Variants in OSTF1 observed in about 807,000 individuals in gnomAD.
The protein encoded by OSTF1 is osteoclast stimulating factor 1, also known as osteoclast-stimulating factor 1.
Under a neutral mutation model 37.2 loss-of-function variants are expected in OSTF1, and 27 were observed. The observed-to-expected ratio is 0.73, with a 90% CI of 0.54 to 1.00. The LOEUF (loss-of-function observed/expected upper bound fraction) is 1.00. OSTF1 is among the 50% of genes least tolerant of loss of function. The probability of loss-of-function intolerance (pLI) is 0.00; values close to 1 mark genes in which losing one functional copy is unlikely to be tolerated. For synonymous variants in OSTF1, 82 were observed against 89.2 expected, an observed-to-expected ratio of 0.92 and a Z score of 0.46; for missense variants, 232 against 253.8, an observed-to-expected ratio of 0.91 and a Z score of 0.58.
chr9:75,103,673 T>C (rs1825234687), intron 1 of OSTF1, among the ~76,000 whole-genome samples: 1 of 152,118 alleles, frequency 6.6e-6, no homozygotes, highest in Non-Finnish European at 1.5e-5. Context: ...AGTGCCGGAG[T>C]GCCAGGCTGG....
At chr9:75,114,456 G>T (rs1439012952) in intron 1 of OSTF1, among the ~76,000 whole-genome samples, 1 of 152,112 alleles carries the variant, frequency 6.6e-6, no homozygotes, top group African/African-American at 2.4e-5. Context: ...CATGTGACTA[G>T]CACAGATACA....
At position 75,140,939 on chromosome 9, in the gene OSTF1, G is replaced by T. The variant is rs1825933057; in HGVS notation, c.586+7G>T. The T allele has an allele frequency of 6.3e-7, 1 of 1,591,336 alleles. No individual in the cohort carries two copies. The highest frequency in any genetic ancestry group is 1.3e-5 in the African/African-American group (1 of 74,444). On this transcript the variant is annotated splice_region_variant and intron_variant, in intron 9 of 9. Transcript: ENST00000346234. ...AAAAAGAAACAGGGAACAGGTATTT[G>T]TTTTAAATTCTTCTTTCTCCTCTGG...
chr9:75,133,442 A>T, intron 6 of OSTF1, 41 bp downstream of exon 6: 1 of 1,216,592 alleles, frequency 8.2e-7, no homozygotes, highest in Non-Finnish European at 1.2e-6. Flanking sequence ...TGCTGCTGAA[A>T]ATGTGTTTCA....
chr9:75,135,691 G>A (rs1301141340), intron 7 of OSTF1, among the ~76,000 whole-genome samples: 3 of 152,258 alleles, frequency 2.0e-5, no homozygotes, highest in Admixed American at 6.5e-5. Flanking sequence ...CTTTCTGTAC[G>A]TCAGAATTCT....
chr9:75,113,951 T>A (rs1430922115), intron 1 of OSTF1, among the ~76,000 whole-genome samples: 1 of 152,224 alleles, frequency 6.6e-6, no homozygotes, highest in African/African-American at 2.4e-5. Context: ...CAAGTCTCCC[T>A]ACCCGCCAGC....
intron 2 of OSTF1, 72 bp from the exon 3 acceptor site, chr9:75,127,497 A>C: frequency 1.2e-6 from 1 of 827,638 alleles, no homozygotes; most frequent in Non-Finnish European, 2.0e-6. Context: ...ATATGATAGA[A>C]TTTTGAATCT....
At chr9:75,139,027 C>CTTCTTTCTTTCTTTCT (rs201231543) in intron 8 of OSTF1, among the ~76,000 whole-genome samples, 4,160 of 120,544 alleles carry the variant, frequency 0.035, 330 homozygotes, top group Middle Eastern at 0.073. Flanking sequence ...TTTGGGGACA[C>CTTCTTTCTTTCTTTCT]TTCTTTCTTT....
chr9:75,102,194 T>G (rs34081939), intron 1 of OSTF1, among the ~76,000 whole-genome samples: 38,981 of 152,110 alleles, frequency 0.26, 5,200 homozygotes, highest in African/African-American at 0.33. Context: ...AGGCTGATCC[T>G]GAACTCCTGG....
At chr9:75,134,526 T>C (rs563294443) in intron 7 of OSTF1, 131 bp downstream of exon 7, 18 of 565,638 alleles carry the variant, frequency 3.2e-5, no homozygotes, top group Admixed American at 7.8e-5. Context: ...ATAATTGTAC[T>C]AAAATTCAAA....
chr9:75,115,216 T>C (rs1301897012), intron 1 of OSTF1, among the ~76,000 whole-genome samples: 2 of 152,204 alleles, frequency 1.3e-5, no homozygotes, highest in Non-Finnish European at 2.9e-5. Flanking sequence ...TTCTGCATTA[T>C]TTTCTTGTCC....
chr9:75,126,287 G>A (rs1002554397), intron 2 of OSTF1, among the ~76,000 whole-genome samples: 1 of 152,180 alleles, frequency 6.6e-6, no homozygotes. Context: ...AAATATCAAA[G>A]CCTTTCTTTT....
intron 3 of OSTF1, among the ~76,000 whole-genome samples, chr9:75,128,283 C>G (rs1490026611): frequency 6.9e-6 from 1 of 144,500 alleles, no homozygotes; most frequent in Non-Finnish European, 1.5e-5. Flanking sequence ...GGCCTAACCA[C>G]ACAGAGAGGA....
chr9:75,093,653 C>T (rs979702748), intron 1 of OSTF1, among the ~76,000 whole-genome samples: 1 of 151,998 alleles, frequency 6.6e-6, no homozygotes, highest in Non-Finnish European at 1.5e-5. Flanking sequence ...CATCATAAAA[C>T]TTAAAAGACA....
chr9:75,095,697 G>A (rs1197349481), intron 1 of OSTF1, among the ~76,000 whole-genome samples: 1 of 152,172 alleles, frequency 6.6e-6, no homozygotes, highest in African/African-American at 2.4e-5. Flanking sequence ...TTTACCCAGT[G>A]TAACAGTTTG....
At chr9:75,113,469 TAC>T (rs1340548066) in intron 1 of OSTF1, among the ~76,000 whole-genome samples, 1 of 151,636 alleles carries the variant, frequency 6.6e-6, no homozygotes, top group African/African-American at 2.4e-5. Context: ...TTTTTTTTGA[TAC>T]AGAGTCTTGC....
chr9:75,134,172 A>G (rs1825808547), intron 6 of OSTF1, among the ~76,000 whole-genome samples, 174 bp from the exon 7 acceptor site: 2 of 152,222 alleles, frequency 1.3e-5, no homozygotes, highest in Admixed American at 6.5e-5. Context: ...ATTTTCCTAA[A>G]TAATTCCACT....
chr9:75,109,462 T>C (rs1414260506), intron 1 of OSTF1, among the ~76,000 whole-genome samples: 2 of 152,248 alleles, frequency 1.3e-5, no homozygotes, highest in Admixed American at 1.3e-4. Flanking sequence ...CATCTACCTG[T>C]CCATGCCCAA....
At chr9:75,097,957 A>C (rs1169753516) in intron 1 of OSTF1, among the ~76,000 whole-genome samples, 1 of 151,504 alleles carries the variant, frequency 6.6e-6, no homozygotes, top group African/African-American at 2.4e-5. Flanking sequence ...TCCTGGGCTC[A>C]AGTGATCCTC....
At chr9:75,116,178 T>A (rs998456455) in intron 1 of OSTF1, among the ~76,000 whole-genome samples, 4 of 152,074 alleles carry the variant, frequency 2.6e-5, no homozygotes, top group Non-Finnish European at 4.4e-5. Flanking sequence ...ACATAGTATG[T>A]ACATTGCATT....
Sources: gnomAD v4.1 joint callset for allele counts (sites outside exome capture counted in the v4.1 genomes callset) on GRCh38, gnomAD v4.1.1 for gene constraint, MANE v1.5 for transcripts, NCBI Gene and HGNC (gene_info 2026-07-23, HGNC 2026-07-21) for gene names.